Variants in RCSD1 observed in about 807,000 individuals in gnomAD.
RCSD1 encodes capZ-interacting protein.
A neutral mutation model predicts 42.5 loss-of-function variants in RCSD1; 26 were observed. The ratio of observed to expected loss-of-function variants is 0.61; its 90% CI spans 0.45 to 0.85. The LOEUF (loss-of-function observed/expected upper bound fraction) is 0.85, where lower values mean the gene tolerates loss of function less well. Among genes scored for constraint, RCSD1 ranks in the 40% least tolerant of loss-of-function variants. RCSD1 has a pLI of 0.00. For synonymous variants in RCSD1, 220 were observed against 212.2 expected (o/e 1.04, Z -0.32); for missense variants, 571 against 528.3 (o/e 1.08, Z -0.79).
chr1:167,693,556 T>C (rs1463697513), intron 4 of RCSD1, among the ~76,000 whole-genome samples: 3 of 152,206 alleles, frequency 2.0e-5, no homozygotes, highest in Non-Finnish European at 4.4e-5. Flanking sequence ...ACCTGATACC[T>C]GGAGGCTGAG....
intron 1 of RCSD1, among the ~76,000 whole-genome samples, chr1:167,667,918 A>G (rs1343270646): frequency 3.9e-5 from 6 of 152,124 alleles, no homozygotes; most frequent in African/African-American, 1.4e-4. Context: ...GGGCTAGGGG[A>G]TGGAGCCATG....
At chr1:167,704,045 C>T (rs57831292) in intron 6 of RCSD1, among the ~76,000 whole-genome samples, 4,001 of 152,218 alleles carry the variant, frequency 0.026, 167 homozygotes, top group African/African-American at 0.088. Context: ...CATTTCTCAG[C>T]AAAAGAACTG....
chr1:167,660,796 A>G (rs1276714121), intron 1 of RCSD1, among the ~76,000 whole-genome samples: 5 of 152,120 alleles, frequency 3.3e-5, no homozygotes, highest in African/African-American at 4.8e-5. Context: ...TGCATTTGAT[A>G]TACCCTGGTT....
At chr1:167,648,791 A>T (rs941377029) in intron 1 of RCSD1, among the ~76,000 whole-genome samples, 37 of 152,136 alleles carry the variant, frequency 2.4e-4, no homozygotes, top group African/African-American at 8.9e-4. Flanking sequence ...TTTGGGCTGA[A>T]CTCTAGAGAA....
chr1:167,646,228 C>T (rs1009869804), intron 1 of RCSD1, among the ~76,000 whole-genome samples: 1 of 152,048 alleles, frequency 6.6e-6, no homozygotes, highest in African/African-American at 2.4e-5. Context: ...GTTGGAAATT[C>T]AGAAGTGGAG....
intron 3 of RCSD1, among the ~76,000 whole-genome samples, chr1:167,689,094 C>T (rs1014878821): frequency 7.3e-5 from 11 of 150,934 alleles, no homozygotes; most frequent in Admixed American, 1.3e-4. Flanking sequence ...GCATCAGCCA[C>T]GGACTGCTCC....
At chr1:167,647,517 T>C (rs1414895675) in intron 1 of RCSD1, among the ~76,000 whole-genome samples, 2 of 152,054 alleles carry the variant, frequency 1.3e-5, no homozygotes, top group Admixed American at 1.3e-4. Flanking sequence ...GCCTAGAAGT[T>C]CAAGACCAGC....
At chr1:167,649,074 T>A (rs918596407) in intron 1 of RCSD1, among the ~76,000 whole-genome samples, 1 of 152,136 alleles carries the variant, frequency 6.6e-6, no homozygotes, top group Non-Finnish European at 1.5e-5. Flanking sequence ...AGAACACAGA[T>A]CTGAGTATGA....
intron 1 of RCSD1, among the ~76,000 whole-genome samples, chr1:167,648,282 A>T (rs908090460): frequency 3.9e-5 from 6 of 152,370 alleles, no homozygotes; most frequent in African/African-American, 1.2e-4. Flanking sequence ...ACATAGCTAT[A>T]AACAGTACAT....
At chr1:167,634,941 AGTGT>A (rs68149146) in intron 1 of RCSD1, among the ~76,000 whole-genome samples, 28,992 of 146,454 alleles carry the variant, frequency 0.2, 3,415 homozygotes, top group Non-Finnish European at 0.27. Flanking sequence ...CTATGATGAG[AGTGT>A]GTGTGTGTGT....
chr1:167,680,023 T>G (rs1263845997), intron 1 of RCSD1, among the ~76,000 whole-genome samples: 1 of 152,092 alleles, frequency 6.6e-6, no homozygotes, highest in Non-Finnish European at 1.5e-5. Context: ...CTCCTAGCCT[T>G]GGCAAAGTCA....
At position 167,696,990 on chromosome 1, in the gene RCSD1, C is replaced by A. The variant is rs766549424; in HGVS notation, c.475-109C>A. On this transcript the variant is annotated intron_variant, in intron 5 of 6. Coordinates refer to ENST00000367854, the MANE Select transcript of RCSD1 (RefSeq NM_052862.4). ...CTCCTGGAAAATTAAACGGTCCTTG[C>A]GTGGACTTGTGAAGCAGTGCACCAG... 1.8e-5 allele frequency: 18 copies of A among 973,254 alleles called. No individual in the cohort carries two copies. In the African/African-American group the frequency reaches 2.3e-4, roughly 12 times the overall value. 60.3% of individuals were successfully genotyped at this position (973,254 alleles called of 1,614,324 possible).
At chr1:167,630,693 C>T (rs1274972261) in intron 1 of RCSD1, 1 of 129,886 alleles carries the variant, frequency 7.7e-6, no homozygotes, top group Non-Finnish European at 1.5e-5. Context: ...CCTAGAGGCC[C>T]GGGTATTTTG....
At chr1:167,662,247 C>G (rs1658555217) in intron 1 of RCSD1, among the ~76,000 whole-genome samples, 1 of 152,180 alleles carries the variant, frequency 6.6e-6, no homozygotes, top group African/African-American at 2.4e-5. Context: ...AATCTTCATT[C>G]CATCTTTTAT....
chr1:167,647,093 G>A (rs1032352092), intron 1 of RCSD1, among the ~76,000 whole-genome samples: 4 of 141,518 alleles, frequency 2.8e-5, no homozygotes, highest in South Asian at 2.2e-4. Flanking sequence ...TCATACCATT[G>A]CATTCCAGCC....
chr1:167,699,375 T>A (rs1168165711), intron 6 of RCSD1, among the ~76,000 whole-genome samples: 1 of 152,154 alleles, frequency 6.6e-6, no homozygotes. Context: ...GAGAATCTGT[T>A]CCTCTCCCTT....
chr1:167,659,323 A>G (rs1015974752), intron 1 of RCSD1, among the ~76,000 whole-genome samples: 2 of 152,144 alleles, frequency 1.3e-5, no homozygotes, highest in African/African-American at 4.8e-5. Flanking sequence ...ATACTTTTCC[A>G]GGTCTCTAGT....
At chr1:167,690,231 T>G (rs557974820) in intron 4 of RCSD1, 111 bp downstream of exon 4, 4 of 890,882 alleles carry the variant, frequency 4.5e-6, no homozygotes, top group Non-Finnish European at 7.1e-6. Context: ...ACCTGCATAA[T>G]TGGCCCCAAT....
chr1:167,681,337 TAATC>T (rs1571699919), intron 1 of RCSD1, among the ~76,000 whole-genome samples: 1 of 152,118 alleles, frequency 6.6e-6, no homozygotes, highest in Non-Finnish European at 1.5e-5. Flanking sequence ...CAGACGGTAA[TAATC>T]AATCAGTCTT....
Sources: allele counts gnomAD v4.1 joint callset (sites outside exome capture counted in the v4.1 genomes callset), GRCh38; gene constraint gnomAD v4.1.1; transcripts MANE v1.5; gene names NCBI Gene and HGNC (gene_info 2026-07-23, HGNC 2026-07-21).